The following ENTREP2 variants were observed in gnomAD, a reference collection of about 807,000 sequenced individuals.
The protein encoded by ENTREP2 is protein ENTREP2.
the ENTREP2 span, among the ~76,000 whole-genome samples, chr15:29,462,385 G>A: frequency 2.6e-5 from 4 of 152,070 alleles, no homozygotes; most frequent in Non-Finnish European, 5.9e-5. Flanking sequence ...GAGGCGGGCA[G>A]ATCACCTTGG....
At chr15:29,485,567 C>G in the ENTREP2 span, among the ~76,000 whole-genome samples, 1 of 152,160 alleles carries the variant, frequency 6.6e-6, no homozygotes. Flanking sequence ...ACCATTGAGG[C>G]ACACGGTAGA....
At chr15:29,649,293 G>A in the ENTREP2 span, among the ~76,000 whole-genome samples, 3 of 152,312 alleles carry the variant, frequency 2.0e-5, no homozygotes, top group East Asian at 5.8e-4. Flanking sequence ...TGCATTGGCA[G>A]ATATTAAACA....
the ENTREP2 span, among the ~76,000 whole-genome samples, chr15:29,288,846 T>G: frequency 6.6e-6 from 1 of 152,158 alleles, no homozygotes; most frequent in Non-Finnish European, 1.5e-5. Context: ...CATACATATA[T>G]GTATATATCC....
chr15:29,144,135 CAG>C, the ENTREP2 span, among the ~76,000 whole-genome samples: 1 of 152,174 alleles, frequency 6.6e-6, no homozygotes, highest in Admixed American at 6.5e-5. Context: ...CCAAGACACA[CAG>C]ATGCCAAGAG....
chr15:29,576,027 AG>A, the ENTREP2 span, among the ~76,000 whole-genome samples: 1 of 152,214 alleles, frequency 6.6e-6, no homozygotes, highest in Non-Finnish European at 1.5e-5. Flanking sequence ...AGATAGCCAA[AG>A]GGTCTTGAAA....
chr15:29,667,607 C>T, the ENTREP2 span, among the ~76,000 whole-genome samples: 3 of 150,988 alleles, frequency 2.0e-5, no homozygotes, highest in East Asian at 2.0e-4. Flanking sequence ...GATTCTCCTG[C>T]CTCAGCCTCC....
the ENTREP2 span, among the ~76,000 whole-genome samples, chr15:29,589,000 A>G: frequency 6.6e-6 from 1 of 152,022 alleles, no homozygotes; most frequent in African/African-American, 2.4e-5. Context: ...AGAAAAAAAA[A>G]AAAAGAAAAA....
chr15:29,510,206 C>G, the ENTREP2 span, among the ~76,000 whole-genome samples: 1 of 152,202 alleles, frequency 6.6e-6, no homozygotes, highest in Non-Finnish European at 1.5e-5. Context: ...GAGATGCCAT[C>G]TCATGCCAGT....
the ENTREP2 span, among the ~76,000 whole-genome samples, chr15:29,425,648 T>G: frequency 5.3e-5 from 8 of 152,338 alleles, 1 homozygote; most frequent in African/African-American, 1.9e-4. Flanking sequence ...TTCCTTAATT[T>G]TTGTTTCTCT....
the ENTREP2 span, among the ~76,000 whole-genome samples, chr15:29,414,918 C>T: frequency 6.6e-5 from 10 of 152,010 alleles, no homozygotes; most frequent in Non-Finnish European, 1.5e-4. Context: ...ATAAATTCCT[C>T]GACACATACA....
At chr15:29,237,865 G>T in the ENTREP2 span, among the ~76,000 whole-genome samples, 2 of 152,150 alleles carry the variant, frequency 1.3e-5, no homozygotes, top group Non-Finnish European at 2.9e-5. Flanking sequence ...ATACCCAAGA[G>T]AAATGAAAAT....
At chr15:29,585,966 G>C in the ENTREP2 span, among the ~76,000 whole-genome samples, 5 of 151,724 alleles carry the variant, frequency 3.3e-5, no homozygotes, top group Non-Finnish European at 7.4e-5. Flanking sequence ...TCCAGTCATA[G>C]GTATATACCC....
chr15:29,626,540 T>C, the ENTREP2 span, among the ~76,000 whole-genome samples: 1 of 152,332 alleles, frequency 6.6e-6, no homozygotes, highest in South Asian at 2.1e-4. Context: ...TTACCCAATC[T>C]TGAGTATGTC....
At chr15:29,148,187 G>C in the ENTREP2 span, among the ~76,000 whole-genome samples, 1 of 152,122 alleles carries the variant, frequency 6.6e-6, no homozygotes, top group Non-Finnish European at 1.5e-5. Flanking sequence ...GTCTCTCTTG[G>C]GGATAATAAA....
the ENTREP2 span, among the ~76,000 whole-genome samples, chr15:29,129,677 G>A: frequency 4.7e-3 from 710 of 152,160 alleles, 10 homozygotes; most frequent in Admixed American, 0.035. Flanking sequence ...GATATACTCT[G>A]ATTCCGCCTG....
the ENTREP2 span, among the ~76,000 whole-genome samples, chr15:29,387,983 G>A: frequency 6.6e-6 from 1 of 152,182 alleles, no homozygotes; most frequent in African/African-American, 2.4e-5. Flanking sequence ...ATGGATTAAA[G>A]ACTTATATGT....
At chr15:29,372,896 G>A in the ENTREP2 span, among the ~76,000 whole-genome samples, 1 of 152,000 alleles carries the variant, frequency 6.6e-6, no homozygotes, top group African/African-American at 2.4e-5. Context: ...ATAATATTGG[G>A]AAAATGGTCA....
the ENTREP2 span, among the ~76,000 whole-genome samples, chr15:29,395,638 C>T: frequency 1.3e-5 from 2 of 151,816 alleles, no homozygotes; most frequent in African/African-American, 4.8e-5. Flanking sequence ...AGCAATCCTC[C>T]CTGCTCAGCC....
chr15:29,597,256 C>T, the ENTREP2 span, among the ~76,000 whole-genome samples: 1 of 152,122 alleles, frequency 6.6e-6, no homozygotes, highest in East Asian at 1.9e-4. Flanking sequence ...TTTCATTTAG[C>T]AATATGCATT....
Sources: gnomAD v4.1 joint callset for allele counts (sites outside exome capture counted in the v4.1 genomes callset) on GRCh38, gnomAD v4.1.1 for gene constraint, MANE v1.5 for transcripts, NCBI Gene and HGNC (gene_info 2026-07-23, HGNC 2026-07-21) for gene names.